RXFP2: variants seen among roughly 807,000 people sequenced by gnomAD.
RXFP2 encodes the protein relaxin receptor 2.
Under a neutral mutation model 88.6 loss-of-function variants are expected in RXFP2, and 68 were observed. The ratio of observed to expected loss-of-function variants is 0.77; its 90% CI spans 0.63 to 0.94. The LOEUF is 0.94. Ranked by LOEUF, RXFP2 falls within the 40% of genes least tolerant of loss-of-function variation. RXFP2 has a pLI of 0.00. For missense variants in RXFP2, 791 were observed against 893.9 expected (o/e 0.88, Z 1.47); for synonymous variants, 329 against 306.8 (o/e 1.07, Z -0.76).
chr13:31,748,727 C>T (rs1382579639), intron 1 of RXFP2, among the ~76,000 whole-genome samples: 1 of 152,176 alleles, frequency 6.6e-6, no homozygotes, highest in Non-Finnish European at 1.5e-5. Context: ...AAAATCTCGC[C>T]TGTAATCCCA....
At chr13:31,781,332 G>T (rs74044223) in intron 9 of RXFP2, among the ~76,000 whole-genome samples, 1 of 152,206 alleles carries the variant, frequency 6.6e-6, no homozygotes, top group African/African-American at 2.4e-5. Context: ...AATTTGGCAG[G>T]AGTGCTGTGT....
chr13:31,786,254 G>T (rs373669888), intron 11 of RXFP2, 129 bp from the exon 12 acceptor site: 1 of 762,130 alleles, frequency 1.3e-6, no homozygotes. Flanking sequence ...TGTGTAACAA[G>T]TTATCAGGTT....
At chr13:31,761,543 GTAA>G (rs1872301100) in intron 2 of RXFP2, among the ~76,000 whole-genome samples, 178 bp from the exon 3 acceptor site, 9 of 152,160 alleles carry the variant, frequency 5.9e-5, no homozygotes, top group African/African-American at 9.7e-5. Flanking sequence ...TATTTTTCAT[GTAA>G]AAAAGGGACA....
rs1466054530 is a variant in RXFP2 at position 31,761,734 on chromosome 13, T to C, written c.252T>C (p.Ser84=). Residue 84 remains serine (S), a synonymous_variant, in exon 3 of 18, where the codon AGT becomes AGC. Coordinates refer to ENST00000298386, the MANE Select transcript of RXFP2 (RefSeq NM_130806.5). ...GADEENCGDT[S]GWATIFGTVH... is the part of the protein sequence containing the mutation. ...ATCACTATTTCACAGGTGACACTAG[T>C]GGATGGGCGACCATATTTGGCACAG... is the stretch of plus-strand genomic sequence containing the variant. 1 of 1,611,366 alleles carries C rather than the reference T, an allele frequency of 6.2e-7. No homozygotes were observed. Among genetic ancestry groups the C allele is most frequent in the Non-Finnish European group, 8.5e-7 (1 of 1,177,520 alleles).
intron 1 of RXFP2, among the ~76,000 whole-genome samples, chr13:31,752,551 AAACAAC>A (rs66623566): frequency 3.3e-5 from 5 of 151,692 alleles, no homozygotes; most frequent in Non-Finnish European, 5.9e-5. Flanking sequence ...CAAGTTTGGA[AAACAAC>A]AACAACAACA....
At chr13:31,742,608 G>A (rs527491244) in intron 1 of RXFP2, among the ~76,000 whole-genome samples, 8 of 152,230 alleles carry the variant, frequency 5.3e-5, no homozygotes, top group African/African-American at 1.9e-4. Context: ...ATGCTTACTC[G>A]TGTGTTCATC....
chr13:31,802,304 T>G lies in RXFP2; in HGVS notation c.2164T>G (p.Leu722Val), dbSNP rs1874386309. 2 of 1,613,192 alleles carry G rather than the reference T, an allele frequency of 1.2e-6. No individual in the cohort carries two copies. Among genetic ancestry groups the G allele is most frequent in the East Asian group, 2.2e-5 (1 of 44,882 alleles). ...AATTTTCAAAATTAAAAAAAAAAGT[T>G]TATCTACATCCATTGTGTGGATAGA... ...KSIFKIKKKS[L>V]STSIVWIEDS... Residue 722 changes from leucine (L) to valine (V), a missense_variant, in exon 18 of 18, where the codon TTA (leucine) becomes GTA (valine). Transcript: ENST00000298386.
At chr13:31,785,791 A>G (rs1873509028) in intron 11 of RXFP2, among the ~76,000 whole-genome samples, 1 of 152,088 alleles carries the variant, frequency 6.6e-6, no homozygotes, top group African/African-American at 2.4e-5. Flanking sequence ...TCCACATTTT[A>G]TAGAGTCACT....
At chr13:31,769,161 T>A (rs1448800513) in intron 5 of RXFP2, among the ~76,000 whole-genome samples, 1 of 152,146 alleles carries the variant, frequency 6.6e-6, no homozygotes, top group African/African-American at 2.4e-5. Flanking sequence ...AGAAAGATAG[T>A]CAATAAACAA....
At chr13:31,796,107 T>A (rs1874029282) in intron 16 of RXFP2, among the ~76,000 whole-genome samples, 1 of 125,514 alleles carries the variant, frequency 8.0e-6, no homozygotes, top group Non-Finnish European at 1.6e-5. Context: ...TGGAGTGCAG[T>A]GGCGCAATCT....
chr13:31,753,687 G>T (rs946479912), intron 1 of RXFP2, among the ~76,000 whole-genome samples: 6 of 152,130 alleles, frequency 3.9e-5, no homozygotes, highest in African/African-American at 1.2e-4. Flanking sequence ...TTTGTATAAT[G>T]ACAGAGTGGA....
intron 6 of RXFP2, among the ~76,000 whole-genome samples, 182 bp downstream of exon 6, chr13:31,774,873 C>T (rs897060154): frequency 1.3e-5 from 2 of 152,180 alleles, no homozygotes; most frequent in Non-Finnish European, 2.9e-5. Context: ...TACCAGAAGA[C>T]ATACAAAGGT....
chr13:31,781,983 G>A (rs570344534), intron 10 of RXFP2, among the ~76,000 whole-genome samples: 1 of 152,146 alleles, frequency 6.6e-6, no homozygotes, highest in South Asian at 2.1e-4. Flanking sequence ...CTTCTCAGCT[G>A]AACTGGGACC....
chr13:31,802,274 A>C lies in RXFP2; in HGVS notation c.2134A>C (p.Lys712Gln), dbSNP rs558289069. Residue 712 changes from lysine to glutamine, a missense_variant, in exon 18 of 18, where the codon AAA becomes CAA. Physicochemically the swap from Lys to Gln is moderately conservative, Grantham distance 53. Coordinates refer to ENST00000298386, the MANE Select transcript of RXFP2 (RefSeq NM_130806.5). ...LKQLLHKHQR[K>Q]SIFKIKKKSL... ...ACAGCTGCTGCACAAACATCAGAGG[A>C]AATCAATTTTCAAAATTAAAAAAAA... 8.2e-5 allele frequency: 133 copies of C among 1,613,976 alleles called. 1 individual carries two copies. The South Asian group carries it at 1.3e-3, about 16-fold the overall frequency.
chr13:31,781,162 A>G (rs184583144), intron 9 of RXFP2, among the ~76,000 whole-genome samples: 86 of 152,308 alleles, frequency 5.6e-4, no homozygotes, highest in African/African-American at 2.0e-3. Context: ...GGATATAATG[A>G]TCAATGACGC....
chr13:31,802,566 T>C lies in RXFP2; in HGVS notation c.*161T>C. 1 of 801,774 alleles carries C rather than the reference T, an allele frequency of 1.2e-6. No homozygotes were observed. Among genetic ancestry groups the C allele is most frequent in the Non-Finnish European group, 2.1e-6 (1 of 471,268 alleles). 49.7% of individuals were successfully genotyped at this position (801,774 alleles called of 1,614,324 possible). A position where few individuals can be genotyped will look rare whatever the true frequency, so the allele number is the denominator to read the frequency against. ...TGTCACTGCATTCCAATGGCAGCTGTACTATCTACCAACCATGCTGAGGAC... is the reference window on the plus strand; with the variant it reads ...TGTCACTGCATTCCAATGGCAGCTGCACTATCTACCAACCATGCTGAGGAC... On this transcript the variant is annotated 3_prime_UTR_variant, in exon 18 of 18. Transcript: ENST00000298386.
At chr13:31,749,406 C>A (rs1358909922) in intron 1 of RXFP2, among the ~76,000 whole-genome samples, 3 of 152,166 alleles carry the variant, frequency 2.0e-5, no homozygotes, top group African/African-American at 7.2e-5. Context: ...TCAGTGGTAG[C>A]CTGGCTCTTC....
chr13:31,765,919 C>T (rs187380799), intron 4 of RXFP2, 37 bp from the exon 5 acceptor site: 2 of 1,035,662 alleles, frequency 1.9e-6, no homozygotes, highest in East Asian at 2.6e-5. Flanking sequence ...TTGGCCATAA[C>T]AATCCATAAT....
intron 13 of RXFP2, among the ~76,000 whole-genome samples, chr13:31,787,405 C>A (rs1449909467): frequency 6.6e-6 from 1 of 152,154 alleles, no homozygotes; most frequent in Non-Finnish European, 1.5e-5. Context: ...AAGATCTGGT[C>A]CCTATTCTTA....
Sources: gnomAD v4.1 joint callset for allele counts (sites outside exome capture counted in the v4.1 genomes callset) on GRCh38, gnomAD v4.1.1 for gene constraint, MANE v1.5 for transcripts, NCBI Gene and HGNC (gene_info 2026-07-23, HGNC 2026-07-21) for gene names.